The following PTPRD variants were observed in gnomAD, a reference collection of about 807,000 sequenced individuals.
PTPRD encodes receptor-type tyrosine-protein phosphatase delta.
In PTPRD, 34 loss-of-function variants were observed where a neutral mutation model predicts 214.5. The observed-to-expected ratio is 0.16, with a 90% CI of 0.12 to 0.21. The LOEUF (loss-of-function observed/expected upper bound fraction) is 0.21. PTPRD is among the 10% of genes least tolerant of loss of function. The pLI is 1.00. For missense variants in PTPRD, 2,545 were observed against 2,398.7 expected (o/e 1.06, Z -1.27); for synonymous variants, 1,128 against 845.7 (o/e 1.33, Z -5.79).
intron 11 of PTPRD, among the ~76,000 whole-genome samples, chr9:8,805,577 A>G (rs183457397): frequency 7.0e-4 from 106 of 151,754 alleles, no homozygotes; most frequent in Non-Finnish European, 1.3e-3. Flanking sequence ...TATAATTTAC[A>G]GCTTACAATT....
intron 41 of PTPRD, 63 bp from the exon 42 acceptor site, chr9:8,340,532 T>A (rs1255820502): frequency 7.0e-7 from 1 of 1,436,388 alleles, no homozygotes; most frequent in Non-Finnish European, 9.3e-7. Context: ...AAGCTCACAC[T>A]GGATACATAA....
intron 9 of PTPRD, among the ~76,000 whole-genome samples, chr9:9,336,222 A>G (rs1055085034): frequency 6.6e-6 from 1 of 152,160 alleles, no homozygotes; most frequent in Non-Finnish European, 1.5e-5. Context: ...CTTCCTCCAG[A>G]GAGAGTTACA....
chr9:9,408,162 G>A (rs913872449), intron 8 of PTPRD, among the ~76,000 whole-genome samples: 24 of 151,870 alleles, frequency 1.6e-4, no homozygotes, highest in Admixed American at 7.9e-4. Flanking sequence ...AATCATTACT[G>A]ATGCTTCTCA....
intron 2 of PTPRD, among the ~76,000 whole-genome samples, chr9:10,502,292 T>C (rs989221615): frequency 1.3e-5 from 2 of 151,608 alleles, no homozygotes; most frequent in Admixed American, 1.3e-4. Context: ...ACTATATAAA[T>C]AATAAAAATA....
intron 14 of PTPRD, among the ~76,000 whole-genome samples, chr9:8,615,094 G>C (rs1243018277): frequency 6.6e-6 from 1 of 152,090 alleles, no homozygotes; most frequent in Non-Finnish European, 1.5e-5. Context: ...GGCTTTACCA[G>C]AATGACATTT....
intron 21 of PTPRD, among the ~76,000 whole-genome samples, chr9:8,516,021 G>C (rs1005697433): frequency 2.6e-5 from 4 of 152,130 alleles, no homozygotes; most frequent in African/African-American, 7.2e-5. Flanking sequence ...CAAGACCAGG[G>C]ATTGAAAAAA....
At position 10,202,948 on chromosome 9, in the gene PTPRD, A is replaced by C. The variant is rs114316546; in HGVS notation, c.-545+138015T>G. On this transcript the variant is annotated intron_variant, in intron 3 of 45. Coordinates refer to ENST00000381196, the MANE Select transcript of PTPRD (RefSeq NM_002839.4). ...GATCTTGGACCACCTAACCTCCAGA[A>C]CTATGAGAAATAATTTCTGTCATTT... Among the ~76,000 whole-genome samples the C allele has an allele frequency of 6.6e-3, 997 of 151,978 alleles. 11 individuals are homozygous for C. Among genetic ancestry groups the C allele is most frequent in the African/African-American group, 0.023 (947 of 41,478 alleles).
intron 7 of PTPRD, among the ~76,000 whole-genome samples, chr9:9,680,459 C>T (rs965402956): frequency 6.6e-6 from 1 of 151,742 alleles, no homozygotes; most frequent in Non-Finnish European, 1.5e-5. Flanking sequence ...TTTAAAAGTT[C>T]ATAACACAAA....
At chr9:10,575,775 C>T (rs536913254) in intron 2 of PTPRD, among the ~76,000 whole-genome samples, 2 of 152,148 alleles carry the variant, frequency 1.3e-5, no homozygotes, top group East Asian at 3.9e-4. Context: ...TGTCTCTCTT[C>T]CCCACATATT....
At chr9:10,134,946 C>A (rs2098931173) in intron 3 of PTPRD, among the ~76,000 whole-genome samples, 2 of 152,202 alleles carry the variant, frequency 1.3e-5, no homozygotes, top group East Asian at 1.9e-4. Flanking sequence ...CAATAAGATT[C>A]AGGAGAAAGT....
At chr9:9,529,458 A>C (rs1337688901) in intron 8 of PTPRD, among the ~76,000 whole-genome samples, 1 of 152,208 alleles carries the variant, frequency 6.6e-6, no homozygotes, top group African/African-American at 2.4e-5. Flanking sequence ...AACTTAACTA[A>C]ACATGTTTTT....
intron 2 of PTPRD, among the ~76,000 whole-genome samples, chr9:10,443,523 AAAGT>A (rs1279635776): frequency 1.3e-5 from 2 of 151,726 alleles, no homozygotes; most frequent in Admixed American, 1.3e-4. Flanking sequence ...TATTCTGAAT[AAAGT>A]AATTGAAATT....
At chr9:10,583,920 C>T (rs927385923) in intron 2 of PTPRD, among the ~76,000 whole-genome samples, 2 of 152,140 alleles carry the variant, frequency 1.3e-5, no homozygotes, top group Non-Finnish European at 2.9e-5. Context: ...GAGAAGACTA[C>T]TTTAGGTAAT....
At chr9:9,959,845 G>C (rs2094225330) in intron 4 of PTPRD, among the ~76,000 whole-genome samples, 1 of 152,168 alleles carries the variant, frequency 6.6e-6, no homozygotes, top group South Asian at 2.1e-4. Flanking sequence ...CTTATGTTGT[G>C]ATGGATTAGA....
At chr9:8,409,705 T>C (rs2093355625) in intron 35 of PTPRD, among the ~76,000 whole-genome samples, 1 of 152,210 alleles carries the variant, frequency 6.6e-6, no homozygotes, top group Admixed American at 6.5e-5. Flanking sequence ...TTGCTCTGTG[T>C]TTCACTTTCC....
chr9:10,337,997 A>G (rs2096873064), intron 3 of PTPRD, among the ~76,000 whole-genome samples: 1 of 151,638 alleles, frequency 6.6e-6, no homozygotes, highest in African/African-American at 2.4e-5. Context: ...TGTTGGGAAA[A>G]ACGCAAACTT....
At chr9:9,063,701 A>G (rs1021017032) in intron 10 of PTPRD, among the ~76,000 whole-genome samples, 3 of 152,192 alleles carry the variant, frequency 2.0e-5, no homozygotes, top group Non-Finnish European at 4.4e-5. Context: ...TTAGTGTAGC[A>G]TATGACTAGA....
At chr9:8,645,384 T>C (rs1272557154) in intron 12 of PTPRD, among the ~76,000 whole-genome samples, 2 of 152,230 alleles carry the variant, frequency 1.3e-5, no homozygotes, top group Admixed American at 1.3e-4. Flanking sequence ...ATACATTCCA[T>C]TTGCTCATGA....
intron 6 of PTPRD, among the ~76,000 whole-genome samples, chr9:9,746,959 T>G (rs2098464501): frequency 1.3e-5 from 2 of 152,054 alleles, no homozygotes; most frequent in African/African-American, 4.8e-5. Context: ...CTGCAAACAG[T>G]AGTAGCCCTG....
Sources: gnomAD v4.1 joint callset for allele counts (sites outside exome capture counted in the v4.1 genomes callset) on GRCh38, gnomAD v4.1.1 for gene constraint, MANE v1.5 for transcripts, NCBI Gene and HGNC (gene_info 2026-07-23, HGNC 2026-07-21) for gene names.